The following SLCO1A2 variants were observed in gnomAD, a reference collection of about 807,000 sequenced individuals.
SLCO1A2 encodes the protein OATP-1.
In SLCO1A2, 67 loss-of-function variants were observed where a neutral mutation model predicts 69.0. The ratio of observed to expected loss-of-function variants is 0.97; its 90% CI spans 0.80 to 1.19. The LOEUF (loss-of-function observed/expected upper bound fraction) is 1.19, where lower values mean the gene tolerates loss of function less well. Among genes scored for constraint, SLCO1A2 ranks in the 50% most tolerant of loss-of-function variants. The pLI is 0.00. For missense variants in SLCO1A2, 787 were observed against 793.7 expected, an observed-to-expected ratio of 0.99 and a Z score of 0.10; for synonymous variants, 260 against 265.9, an observed-to-expected ratio of 0.98 and a Z score of 0.22.
upstream of SLCO1A2, among the ~76,000 whole-genome samples, chr12:21,335,900 G>C (rs565099941): frequency 1.3e-5 from 2 of 152,272 alleles, no homozygotes; most frequent in African/African-American, 4.8e-5. Context: ...TGCCTACAGA[G>C]AGTATAAACT....
chr12:21,417,835 T>G (rs1463771381), intron 1 of SLCO1A2: 1 of 152,062 alleles, frequency 6.6e-6, no homozygotes, highest in African/African-American at 2.4e-5. Flanking sequence ...ACATATATAT[T>G]AAAATGTAAG....
At chr12:21,332,641 T>G (rs1185618505) in intron 2 of SLCO1A2, among the ~76,000 whole-genome samples, 1 of 152,034 alleles carries the variant, frequency 6.6e-6, no homozygotes, top group Non-Finnish European at 1.5e-5. Flanking sequence ...AGGGTTGAAT[T>G]TTATTTGTGG....
chr12:21,388,526 CCTT>C (rs1230234899), intron 1 of SLCO1A2, among the ~76,000 whole-genome samples: 2 of 152,106 alleles, frequency 1.3e-5, no homozygotes, highest in African/African-American at 4.8e-5. Flanking sequence ...CTTTGCTCCT[CCTT>C]CTTCTGCCAT....
chr12:21,404,289 A>T (rs1014256871), intron 1 of SLCO1A2, among the ~76,000 whole-genome samples: 2 of 152,136 alleles, frequency 1.3e-5, no homozygotes, highest in Admixed American at 1.3e-4. Context: ...CAGGTTTGTT[A>T]CATAGGTAAA....
At chr12:21,378,416 T>G in intron 1 of SLCO1A2, 1 of 1,613,342 alleles carries the variant, frequency 6.2e-7, no homozygotes, top group Non-Finnish European at 8.5e-7. Context: ...CTGAATTACT[T>G]GCCCCTTTAG....
chr12:21,311,951 G>A (rs1206632092), intron 4 of SLCO1A2, among the ~76,000 whole-genome samples: 1 of 151,414 alleles, frequency 6.6e-6, no homozygotes, highest in African/African-American at 2.4e-5. Context: ...GAAGGAGAGG[G>A]AGAATGAGAA....
At chr12:21,386,762 C>G (rs1016402436) in intron 1 of SLCO1A2, among the ~76,000 whole-genome samples, 5 of 151,896 alleles carry the variant, frequency 3.3e-5, no homozygotes, top group African/African-American at 1.2e-4. Flanking sequence ...GTAAATATAC[C>G]TAAAAATGTG....
intron 1 of SLCO1A2, among the ~76,000 whole-genome samples, chr12:21,417,007 A>G (rs1435586081): frequency 6.6e-6 from 1 of 152,126 alleles, no homozygotes; most frequent in Non-Finnish European, 1.5e-5. Context: ...GTGATTGAGA[A>G]TGTTGAGTCT....
chr12:21,373,295 G>A, intron 2 of SLCO1A2: 1 of 1,165,592 alleles, frequency 8.6e-7, no homozygotes, highest in South Asian at 1.2e-5. Context: ...AATTAGAACT[G>A]TAAGAAATCT....
chr12:21,398,635 T>C (rs1339866666), upstream of SLCO1A2, among the ~76,000 whole-genome samples: 1 of 151,998 alleles, frequency 6.6e-6, no homozygotes, highest in Non-Finnish European at 1.5e-5. Context: ...AATAAAATAC[T>C]GGCAAAACGA....
chr12:21,418,337 C>G (rs1295849707), upstream of SLCO1A2, among the ~76,000 whole-genome samples: 1 of 152,142 alleles, frequency 6.6e-6, no homozygotes, highest in Non-Finnish European at 1.5e-5. Context: ...AAATAACAAA[C>G]AGAATCAGAT....
intron 2 of SLCO1A2, among the ~76,000 whole-genome samples, chr12:21,372,547 T>G (rs1939876750): frequency 6.6e-6 from 1 of 152,238 alleles, no homozygotes; most frequent in Non-Finnish European, 1.5e-5. Flanking sequence ...ACCAAAAGTC[T>G]GTGATTTCTC....
intron 2 of SLCO1A2, chr12:21,319,245 TC>T (rs1951274187): frequency 5.4e-6 from 5 of 931,072 alleles, no homozygotes; most frequent in Non-Finnish European, 7.8e-6. Context: ...TACAATGATA[TC>T]TAAAGTACAA....
intron 2 of SLCO1A2, among the ~76,000 whole-genome samples, chr12:21,322,442 T>C (rs770595501): frequency 4.6e-5 from 7 of 152,210 alleles, no homozygotes; most frequent in Non-Finnish European, 1.0e-4. Context: ...AAGATTTACA[T>C]TGGTTTAATC....
chr12:21,320,886 GA>G (rs1951522067), intron 2 of SLCO1A2, among the ~76,000 whole-genome samples: 1 of 151,998 alleles, frequency 6.6e-6, no homozygotes, highest in South Asian at 2.1e-4. Context: ...TGCCTTTTGA[GA>G]AAAAAACAAA....
rs1041466790 is a variant in SLCO1A2 at position 21,370,154 on chromosome 12, T to C, written c.-63+4245A>G. ...ATTTGTCTTTCATTCTGCTCCTGAG[T>C]AGCTCTGTAACCTTAAGCAAGTCAC... is the stretch of plus-strand genomic sequence containing the variant. On this transcript the variant is annotated intron_variant, in intron 2 of 15. Coordinates refer to the SLCO1A2 transcript ENST00000307378. Among the ~76,000 whole-genome samples, 5 of 152,170 alleles carry C rather than the reference T, an allele frequency of 3.3e-5. No individual in the cohort carries two copies. In the East Asian group the frequency reaches 9.6e-4, roughly 29 times the overall value.
chr12:21,310,883 G>A lies in SLCO1A2; in HGVS notation c.335+3666C>T, dbSNP rs142015884. Among the ~76,000 whole-genome samples, 12 of 152,260 alleles carry A rather than the reference G, an allele frequency of 7.9e-5. No individual in the cohort carries two copies. The East Asian group carries it at 1.7e-3, about 22-fold the overall frequency. On this transcript the variant is annotated intron_variant, in intron 4 of 14. Coordinates refer to ENST00000683939, the MANE Select transcript of SLCO1A2 (RefSeq NM_001386879.1). ...CTTTCAAAGTGCTAGGATTATAGGC[G>A]TGAGCCACCGCGCCCAGCCGCACAT... is the stretch of plus-strand genomic sequence containing the variant.
intron 1 of SLCO1A2, among the ~76,000 whole-genome samples, chr12:21,414,557 A>T (rs143415735): frequency 0.011 from 1,687 of 152,092 alleles, 22 homozygotes; most frequent in Non-Finnish European, 0.018. Context: ...AATTTATCAA[A>T]CTTATTTTAT....
intron 2 of SLCO1A2, among the ~76,000 whole-genome samples, chr12:21,324,243 C>T (rs1304741462): frequency 6.6e-6 from 1 of 152,158 alleles, no homozygotes; most frequent in African/African-American, 2.4e-5. Flanking sequence ...AAACAAAAGT[C>T]AGGGCTGAAA....
Sources: gnomAD v4.1 joint callset for allele counts (sites outside exome capture counted in the v4.1 genomes callset) on GRCh38, gnomAD v4.1.1 for gene constraint, MANE v1.5 for transcripts, NCBI Gene and HGNC (gene_info 2026-07-23, HGNC 2026-07-21) for gene names.